The following ANO2 variants were observed in gnomAD, a reference collection of about 807,000 sequenced individuals.
ANO2 encodes anoctamin 2, also known as anoctamin-2.
Under a neutral mutation model 124.2 loss-of-function variants are expected in ANO2, and 101 were observed. That is an observed-to-expected ratio of 0.81 (90% CI 0.69 to 0.96). The LOEUF (loss-of-function observed/expected upper bound fraction) is 0.96, where lower values mean the gene tolerates loss of function less well. ANO2 is among the 40% of genes least tolerant of loss of function. The probability of loss-of-function intolerance (pLI) is 0.00; values close to 1 mark genes in which losing one functional copy is unlikely to be tolerated. For synonymous variants in ANO2, 486 were observed against 482.5 expected, an observed-to-expected ratio of 1.01 and a Z score of -0.09; for missense variants, 1,293 against 1,274.5, an observed-to-expected ratio of 1.01 and a Z score of -0.22.
At chr12:5,844,505 T>C (rs982940131) in intron 4 of ANO2, among the ~76,000 whole-genome samples, 1 of 152,150 alleles carries the variant, frequency 6.6e-6, no homozygotes, top group Non-Finnish European at 1.5e-5. Context: ...TCAGCCAACA[T>C]CAATAACAGA....
intron 3 of ANO2, among the ~76,000 whole-genome samples, chr12:5,898,551 G>T (rs566272280): frequency 2.0e-5 from 3 of 152,194 alleles, no homozygotes; most frequent in Non-Finnish European, 4.4e-5. Flanking sequence ...ATACTATCCA[G>T]TAACGCATAA....
chr12:5,570,459 TA>T (rs11376409), intron 23 of ANO2, among the ~76,000 whole-genome samples: 62 of 148,098 alleles, frequency 4.2e-4, no homozygotes, highest in African/African-American at 8.2e-4. Flanking sequence ...ACCTGAAGTT[TA>T]AAAAAAAAAA....
At chr12:5,734,629 C>A (rs1416705040) in intron 13 of ANO2, among the ~76,000 whole-genome samples, 1 of 152,036 alleles carries the variant, frequency 6.6e-6, no homozygotes, top group African/African-American at 2.4e-5. Flanking sequence ...CAGTTCAAAG[C>A]TCCCTCATCT....
chr12:5,717,658 T>C (rs1028441563), intron 14 of ANO2, among the ~76,000 whole-genome samples: 2 of 152,226 alleles, frequency 1.3e-5, no homozygotes, highest in Non-Finnish European at 2.9e-5. Context: ...TATTTCACCT[T>C]GTACTCCAGA....
At chr12:5,785,355 G>C (rs1952511391) in intron 10 of ANO2, among the ~76,000 whole-genome samples, 1 of 152,014 alleles carries the variant, frequency 6.6e-6, no homozygotes, top group African/African-American at 2.4e-5. Context: ...GATACTGGGG[G>C]ACAGCAAAGA....
At chr12:5,733,432 T>C (rs1018890455) in intron 13 of ANO2, among the ~76,000 whole-genome samples, 2 of 152,248 alleles carry the variant, frequency 1.3e-5, no homozygotes, top group African/African-American at 2.4e-5. Context: ...CATTGGCAGG[T>C]CTTCCTTACG....
At chr12:5,935,373 A>G (rs1942604095) in intron 1 of ANO2, among the ~76,000 whole-genome samples, 1 of 152,194 alleles carries the variant, frequency 6.6e-6, no homozygotes, top group Non-Finnish European at 1.5e-5. Flanking sequence ...GGCACTGGAG[A>G]CACACCTAGG....
At chr12:5,890,620 G>C (rs1458800450) in intron 3 of ANO2, among the ~76,000 whole-genome samples, 1 of 152,216 alleles carries the variant, frequency 6.6e-6, no homozygotes, top group Non-Finnish European at 1.5e-5. Context: ...GCAGTTTACA[G>C]CGCAAGTCAG....
chr12:5,881,342 T>C (rs1430846173), intron 3 of ANO2, among the ~76,000 whole-genome samples: 1 of 152,138 alleles, frequency 6.6e-6, no homozygotes, highest in Admixed American at 6.5e-5. Context: ...CTACCACCTC[T>C]TGCCTTCTGG....
chr12:5,615,175 A>G lies in ANO2; in HGVS notation c.1928+11T>C. 6.2e-7 allele frequency: 1 copy of G among 1,609,458 alleles called. No individual in the cohort carries two copies. Among genetic ancestry groups the G allele is most frequent in the Non-Finnish European group, 8.5e-7 (1 of 1,177,184 alleles). On this transcript the variant is annotated intron_variant, in intron 17 of 24. Coordinates refer to ENST00000682330, the MANE Select transcript of ANO2 (RefSeq NM_001364791.2). ...AAATTGCCTTTCTACACATGACACC[A>G]TTATACTCACCTCCCTTTGAAAAAG... is the stretch of plus-strand genomic sequence containing the variant.
intron 10 of ANO2, among the ~76,000 whole-genome samples, chr12:5,764,376 C>T (rs1410837794): frequency 6.6e-6 from 1 of 152,180 alleles, no homozygotes; most frequent in Non-Finnish European, 1.5e-5. Context: ...CAAATATTCT[C>T]TTACTTTTTA....
chr12:5,670,490 C>T (rs1228673009), intron 14 of ANO2, among the ~76,000 whole-genome samples: 1 of 152,078 alleles, frequency 6.6e-6, no homozygotes, highest in African/African-American at 2.4e-5. Context: ...ACATTGTTTT[C>T]CCTATTATTT....
At chr12:5,843,692 G>C (rs1056673863) in intron 4 of ANO2, among the ~76,000 whole-genome samples, 1 of 152,160 alleles carries the variant, frequency 6.6e-6, no homozygotes, top group African/African-American at 2.4e-5. Flanking sequence ...GGGAACGCGG[G>C]GCAATTCCTG....
chr12:5,849,636 A>G lies in ANO2; in HGVS notation c.633+4407T>C, dbSNP rs138988642. Among the ~76,000 whole-genome samples, 13 of 152,216 alleles carry G rather than the reference A, an allele frequency of 8.5e-5. No individual in the cohort carries two copies. In the East Asian group the frequency reaches 2.3e-3, roughly 27 times the overall value. On this transcript the variant is annotated intron_variant, in intron 4 of 24. Coordinates refer to ENST00000682330, the MANE Select transcript of ANO2 (RefSeq NM_001364791.2). ...TCCAAGATTCCCCCTCCCAGTTAATATCTGTGCTCAGGACTTGGAGTCCCT... is the reference window on the plus strand; with the variant it reads ...TCCAAGATTCCCCCTCCCAGTTAATGTCTGTGCTCAGGACTTGGAGTCCCT...
At chr12:5,754,716 A>G (rs1366233802) in intron 10 of ANO2, among the ~76,000 whole-genome samples, 1 of 152,046 alleles carries the variant, frequency 6.6e-6, no homozygotes, top group Admixed American at 6.6e-5. Context: ...AGATTGTCCA[A>G]TTTGTTGGTG....
chr12:5,624,091 G>T (rs988927699), intron 16 of ANO2, among the ~76,000 whole-genome samples: 3 of 152,194 alleles, frequency 2.0e-5, no homozygotes, highest in African/African-American at 7.2e-5. Context: ...AGCACAGGGG[G>T]CCTATCCCTC....
At chr12:5,806,024 T>C in intron 9 of ANO2, 28 bp downstream of exon 9, 2 of 1,612,300 alleles carry the variant, frequency 1.2e-6, no homozygotes, top group Admixed American at 1.7e-5. Context: ...ATGCCCAAAG[T>C]CCAGGATGCT....
chr12:5,578,166 T>A (rs1481030282), intron 21 of ANO2, among the ~76,000 whole-genome samples, 159 bp from the exon 22 acceptor site: 1 of 152,084 alleles, frequency 6.6e-6, no homozygotes, highest in African/African-American at 2.4e-5. Flanking sequence ...AGCCCCCCCA[T>A]CTGGAAGCTC....
At chr12:5,581,664 C>G (rs528491500) in intron 20 of ANO2, among the ~76,000 whole-genome samples, 1 of 152,270 alleles carries the variant, frequency 6.6e-6, no homozygotes, top group East Asian at 1.9e-4. Context: ...GTTAATCACC[C>G]CAGTCCCATA....
Sources: allele counts gnomAD v4.1 joint callset (sites outside exome capture counted in the v4.1 genomes callset), GRCh38; gene constraint gnomAD v4.1.1; transcripts MANE v1.5; gene names NCBI Gene and HGNC (gene_info 2026-07-23, HGNC 2026-07-21).